SLC36A1: variants seen among roughly 807,000 people sequenced by gnomAD.
SLC36A1 encodes solute carrier family 36 member 1.
Under a neutral mutation model 47.5 loss-of-function variants are expected in SLC36A1, and 30 were observed. That is an observed-to-expected ratio of 0.63 (90% CI 0.47 to 0.86). SLC36A1 has a LOEUF of 0.86. Among genes scored for constraint, SLC36A1 ranks in the 40% least tolerant of loss-of-function variants. The pLI is 0.00. For synonymous variants in SLC36A1, 255 were observed against 249.7 expected (o/e 1.02, Z -0.20); for missense variants, 517 against 606.0 (o/e 0.85, Z 1.54).
the SLC36A1 span, chr5:151,545,971 T>C: frequency 6.2e-7 from 1 of 1,614,158 alleles, no homozygotes; most frequent in Non-Finnish European, 8.5e-7. Flanking sequence ...TTTCTCATGG[T>C]CCAATTTCTT....
At chr5:151,347,777 T>C in the SLC36A1 span, among the ~76,000 whole-genome samples, 1 of 152,222 alleles carries the variant, frequency 6.6e-6, no homozygotes, top group Admixed American at 6.5e-5. Context: ...ATAACAAATA[T>C]CTATTAAGCC....
chr5:151,522,136 T>TG, the SLC36A1 span: 1 of 1,419,058 alleles, frequency 7.0e-7, no homozygotes, highest in African/African-American at 1.4e-5. Flanking sequence ...GCAGTGCTCT[T>TG]GCGCCCGACT....
At chr5:151,418,291 G>T in the SLC36A1 span, among the ~76,000 whole-genome samples, 1 of 152,216 alleles carries the variant, frequency 6.6e-6, no homozygotes, top group Non-Finnish European at 1.5e-5. Flanking sequence ...TGTGAGAAGA[G>T]GGCCACCATT....
chr5:151,355,503 A>G, the SLC36A1 span, among the ~76,000 whole-genome samples: 10 of 152,208 alleles, frequency 6.6e-5, no homozygotes, highest in Non-Finnish European at 1.3e-4. Flanking sequence ...TCTTCTAGAA[A>G]TGCTCACACA....
the SLC36A1 span, chr5:151,537,788 C>T: frequency 3.1e-6 from 5 of 1,606,348 alleles, no homozygotes; most frequent in Non-Finnish European, 4.3e-6. Flanking sequence ...GCTCAGGAAA[C>T]CCACCTGTAT....
the SLC36A1 span, chr5:151,540,733 C>T: frequency 6.2e-7 from 1 of 1,614,066 alleles, no homozygotes; most frequent in Non-Finnish European, 8.5e-7. Flanking sequence ...TCCAACTTGG[C>T]TGATGCCAAA....
the SLC36A1 span, among the ~76,000 whole-genome samples, chr5:151,366,905 C>T: frequency 6.6e-6 from 1 of 152,162 alleles, no homozygotes; most frequent in Admixed American, 6.5e-5. Flanking sequence ...ACCTAAGTCT[C>T]AGACCAGCAA....
chr5:151,542,889 TG>T, the SLC36A1 span: 1 of 1,614,214 alleles, frequency 6.2e-7, no homozygotes, highest in Non-Finnish European at 8.5e-7. Context: ...TTATGACCCC[TG>T]TGTCTGGGTC....
chr5:151,460,570 T>G (rs1755364459), intron 2 of SLC36A1, among the ~76,000 whole-genome samples: 1 of 152,064 alleles, frequency 6.6e-6, no homozygotes, highest in Non-Finnish European at 1.5e-5. Flanking sequence ...CTGTAGTTGA[T>G]GGCAGGTATT....
rs1395053660 is a variant in SLC36A1 at position 151,451,535 on chromosome 5, T to C, written c.-6+3722T>C. The stretch of plus-strand genomic sequence containing the variant: ...TAAATGGAGCCCATACTGCAGACTT[T>C]GTTTAGTGAACTTTCTCACTTTCTG... On this transcript the variant is annotated intron_variant, in intron 1 of 10. Coordinates refer to ENST00000243389, the MANE Select transcript of SLC36A1 (RefSeq NM_078483.4). Among the ~76,000 whole-genome samples, 6 of 152,244 alleles carry C rather than the reference T, an allele frequency of 3.9e-5. No individual in the cohort carries two copies. In the East Asian group the frequency reaches 1.2e-3, roughly 29 times the overall value.
intron 1 of SLC36A1, among the ~76,000 whole-genome samples, chr5:151,453,825 T>C (rs1341780791): frequency 6.6e-6 from 1 of 151,748 alleles, no homozygotes; most frequent in African/African-American, 2.4e-5. Flanking sequence ...TGCCCACTTC[T>C]GAAAAATTTA....
chr5:151,451,264 G>A (rs910075095), intron 1 of SLC36A1, among the ~76,000 whole-genome samples: 6 of 151,792 alleles, frequency 4.0e-5, no homozygotes, highest in East Asian at 1.9e-4. Context: ...TTTTGTCCAC[G>A]CTGGTCTTGA....
chr5:151,436,208 A>G (rs1276257230), upstream of SLC36A1, among the ~76,000 whole-genome samples: 1 of 152,238 alleles, frequency 6.6e-6, no homozygotes, highest in East Asian at 1.9e-4. Flanking sequence ...CAACTTACCC[A>G]GAAAGTTTCT....
chr5:151,387,193 G>A, the SLC36A1 span: 2 of 152,586 alleles, frequency 1.3e-5, no homozygotes, highest in South Asian at 4.1e-4. Context: ...AGGTAAGGCA[G>A]ATGCCACCCA....
the SLC36A1 span, among the ~76,000 whole-genome samples, chr5:151,403,367 T>C: frequency 6.6e-6 from 1 of 152,202 alleles, no homozygotes; most frequent in South Asian, 2.1e-4. Flanking sequence ...ATCATGAGAG[T>C]GAATTTCTCA....
At chr5:151,411,488 C>T in the SLC36A1 span, among the ~76,000 whole-genome samples, 1 of 144,730 alleles carries the variant, frequency 6.9e-6, no homozygotes, top group African/African-American at 2.5e-5. Context: ...TCAGATTAGT[C>T]TCCTTCTGGT....
chr5:151,423,242 T>C, the SLC36A1 span, among the ~76,000 whole-genome samples: 1 of 152,190 alleles, frequency 6.6e-6, no homozygotes, highest in African/African-American at 2.4e-5. Flanking sequence ...TCTTACAAAA[T>C]GAAATATACT....
chr5:151,534,329 G>A, the SLC36A1 span: 1 of 1,159,246 alleles, frequency 8.6e-7, no homozygotes, highest in African/African-American at 1.5e-5. Flanking sequence ...CAGTCCTAGA[G>A]AGACACAAAG....
At chr5:151,522,716 G>A in the SLC36A1 span, among the ~76,000 whole-genome samples, 1,503 of 152,314 alleles carry the variant, frequency 9.9e-3, 15 homozygotes, top group African/African-American at 0.015. Flanking sequence ...TTTGAGTCCT[G>A]AGGGATGAGA....
Sources: gnomAD v4.1 joint callset for allele counts (sites outside exome capture counted in the v4.1 genomes callset) on GRCh38, gnomAD v4.1.1 for gene constraint, MANE v1.5 for transcripts, NCBI Gene and HGNC (gene_info 2026-07-23, HGNC 2026-07-21) for gene names.